Variants in EVA1C observed in about 807,000 individuals in gnomAD.
The protein encoded by EVA1C is eva-1 homolog C.
A neutral mutation model predicts 45.4 loss-of-function variants in EVA1C; 25 were observed. That is an observed-to-expected ratio of 0.55 (90% CI 0.40 to 0.77). The LOEUF (loss-of-function observed/expected upper bound fraction) is 0.77, where lower values mean the gene tolerates loss of function less well. EVA1C is among the 30% of genes least tolerant of loss of function. The pLI, the probability that EVA1C is intolerant of heterozygous loss-of-function variation, is 0.00. For synonymous variants in EVA1C, 190 were observed against 221.2 expected (o/e 0.86, Z 1.25); for missense variants, 479 against 554.8 (o/e 0.86, Z 1.37).
intron 3 of EVA1C, among the ~76,000 whole-genome samples, chr21:32,465,764 C>T (rs1456655641): frequency 2.6e-5 from 4 of 152,138 alleles, no homozygotes; most frequent in Non-Finnish European, 4.4e-5. Context: ...TCTCAAAGTG[C>T]TGGGATTACA....
intron 7 of EVA1C, among the ~76,000 whole-genome samples, chr21:32,511,772 C>T (rs1229612451): frequency 6.6e-6 from 1 of 152,120 alleles, no homozygotes; most frequent in Non-Finnish European, 1.5e-5. Flanking sequence ...AACTCACGTG[C>T]CCTAAGTCCA....
At chr21:32,502,028 CTTTCTTTCTTTCT>C in intron 6 of EVA1C, among the ~76,000 whole-genome samples, 1 of 123,338 alleles carries the variant, frequency 8.1e-6, no homozygotes, top group African/African-American at 3.3e-5. Context: ...TTCTTTCTTT[CTTTCTTTCTTTCT>C]TTCTTTCTTT....
intron 4 of EVA1C, among the ~76,000 whole-genome samples, chr21:32,480,045 C>G (rs1311158350): frequency 6.6e-6 from 1 of 152,140 alleles, no homozygotes; most frequent in Non-Finnish European, 1.5e-5. Flanking sequence ...AAGCAACCTA[C>G]TTCCAATAAT....
In EVA1C at chr21:32,467,783, C is replaced by A. The variant is rs1438428595; in HGVS notation, c.569C>A (p.Thr190Asn). 6.2e-7 allele frequency: 1 copy of A among 1,613,198 alleles called. No individual in the cohort carries two copies. Among genetic ancestry groups the A allele is most frequent in the Non-Finnish European group, 8.5e-7 (1 of 1,179,556 alleles). The change falls in exon 4 of 8, where the codon ACC (threonine) becomes AAC (asparagine). Residue 190 changes from threonine to asparagine, a missense_variant. Physicochemically the swap from Thr to Asn is moderately conservative, Grantham distance 65. Coordinates refer to ENST00000300255, the MANE Select transcript of EVA1C (RefSeq NM_058187.5). ...AAGTTCCTCAACATCTACTCTGCGA[C>A]CTACGGCAGGAGGACCCAGGAAAGG... ...ESKFLNIYSA[T>N]YGRRTQERDI...
chr21:32,492,676 C>T (rs1282809560), intron 4 of EVA1C, among the ~76,000 whole-genome samples: 2 of 150,730 alleles, frequency 1.3e-5, no homozygotes, highest in Non-Finnish European at 2.9e-5. Flanking sequence ...TTCAAAATCT[C>T]GGCCCACCTC....
At chr21:32,430,074 G>T (rs909967838) in intron 1 of EVA1C, among the ~76,000 whole-genome samples, 8 of 151,744 alleles carry the variant, frequency 5.3e-5, no homozygotes, top group African/African-American at 1.9e-4. Context: ...GGCAGAGGGG[G>T]GCACCTGGGA....
At chr21:32,510,674 T>C (rs568029634) in intron 7 of EVA1C, among the ~76,000 whole-genome samples, 40 of 152,304 alleles carry the variant, frequency 2.6e-4, no homozygotes, top group Non-Finnish European at 5.3e-4. Context: ...GTTTCATCCC[T>C]GGTTTTCAGA....
chr21:32,487,857 G>T (rs2037025287), intron 4 of EVA1C, among the ~76,000 whole-genome samples: 1 of 152,080 alleles, frequency 6.6e-6, no homozygotes, highest in Non-Finnish European at 1.5e-5. Context: ...TAATAATCTT[G>T]TAAGTAAACT....
intron 1 of EVA1C, among the ~76,000 whole-genome samples, chr21:32,437,244 A>G (rs903048530): frequency 3.3e-5 from 5 of 152,268 alleles, no homozygotes; most frequent in African/African-American, 1.2e-4. Flanking sequence ...CATTAAGCCA[A>G]GCTCCGGGTC....
At chr21:32,424,117 A>G (rs570858637) in intron 1 of EVA1C, among the ~76,000 whole-genome samples, 21 of 152,218 alleles carry the variant, frequency 1.4e-4, no homozygotes, top group Non-Finnish European at 2.6e-4. Context: ...GCAAAGGCCC[A>G]TGCGATGCGT....
chr21:32,457,799 C>G lies in EVA1C; in HGVS notation c.481+79C>G, dbSNP rs568550680. ...CACACTCCTGGTCAAAATTCTCTGC[C>G]CGTTGGCATTTGTCCAACTTTGAAA... On this transcript the variant is annotated intron_variant, in intron 3 of 7. Transcript: ENST00000300255. The G allele has an allele frequency of 3.9e-6, 6 of 1,552,394 alleles. No homozygotes were observed. The African/African-American group carries it at 8.1e-5, about 21-fold the overall frequency.
intron 4 of EVA1C, among the ~76,000 whole-genome samples, chr21:32,477,234 T>C (rs1418965318): frequency 6.6e-6 from 1 of 152,040 alleles, no homozygotes; most frequent in Non-Finnish European, 1.5e-5. Context: ...AGGTTTCTCT[T>C]CAAGGCCCTT....
chr21:32,434,590 CAAAAAATAAATA>C (rs869050127), intron 1 of EVA1C, among the ~76,000 whole-genome samples: 4 of 138,266 alleles, frequency 2.9e-5, no homozygotes, highest in African/African-American at 8.2e-5. Context: ...GACTCCGTCT[CAAAAAATAAATA>C]AATAAATAAA....
At chr21:32,426,546 A>G (rs2034495243) in intron 1 of EVA1C, among the ~76,000 whole-genome samples, 1 of 151,606 alleles carries the variant, frequency 6.6e-6, no homozygotes. Flanking sequence ...CCATGCACTC[A>G]CATACAGACA....
chr21:32,511,111 T>C (rs1002646112), intron 7 of EVA1C, among the ~76,000 whole-genome samples: 4 of 151,510 alleles, frequency 2.6e-5, no homozygotes, highest in Non-Finnish European at 4.4e-5. Context: ...ATCAAGAGTC[T>C]ATAGAAAATA....
At chr21:32,466,418 CAAAAAAAAA>C (rs201044286) in intron 3 of EVA1C, among the ~76,000 whole-genome samples, 1 of 85,042 alleles carries the variant, frequency 1.2e-5, no homozygotes, top group Non-Finnish European at 2.4e-5. Context: ...GATTCCGTCT[CAAAAAAAAA>C]AAAAAAAAAT....
chr21:32,416,676 A>G (rs2034062706), intron 1 of EVA1C, among the ~76,000 whole-genome samples: 1 of 152,078 alleles, frequency 6.6e-6, no homozygotes, highest in South Asian at 2.1e-4. Flanking sequence ...AGAAGTTCAA[A>G]GTGATTGATG....
At chr21:32,443,254 A>G (rs1031875910) in intron 1 of EVA1C, among the ~76,000 whole-genome samples, 5 of 152,202 alleles carry the variant, frequency 3.3e-5, no homozygotes, top group Non-Finnish European at 7.3e-5. Flanking sequence ...TAAGATTTAC[A>G]GTACATGGCA....
chr21:32,434,771 C>G (rs1206687828), intron 1 of EVA1C, among the ~76,000 whole-genome samples: 4 of 152,272 alleles, frequency 2.6e-5, no homozygotes, highest in African/African-American at 9.6e-5. Context: ...AGATCCTTCC[C>G]TAGCATCCTC....
Sources: allele counts gnomAD v4.1 joint callset (sites outside exome capture counted in the v4.1 genomes callset), GRCh38; gene constraint gnomAD v4.1.1; transcripts MANE v1.5; gene names NCBI Gene and HGNC (gene_info 2026-07-23, HGNC 2026-07-21).